Variants in PCDH15 observed in about 807,000 individuals in gnomAD.
PCDH15 encodes protocadherin-15.
A neutral mutation model predicts 178.5 loss-of-function variants in PCDH15; 129 were observed. The observed-to-expected ratio is 0.72, with a 90% CI of 0.63 to 0.84. The LOEUF (loss-of-function observed/expected upper bound fraction) is 0.84, where lower values mean the gene tolerates loss of function less well. PCDH15 is among the 40% of genes least tolerant of loss of function. The pLI, the probability that PCDH15 is intolerant of heterozygous loss-of-function variation, is 0.00. For missense variants in PCDH15, 2,230 were observed against 2,099.9 expected (o/e 1.06, Z -1.21); for synonymous variants, 800 against 732.0 (o/e 1.09, Z -1.50).
chr10:54,792,776 G>A (rs997405119), intron 1 of PCDH15, among the ~76,000 whole-genome samples: 1 of 151,754 alleles, frequency 6.6e-6, no homozygotes, highest in Non-Finnish European at 1.5e-5. Context: ...AGACAAATAG[G>A]TAACCTATTT....
rs767468111 is a variant in PCDH15, at chr10:55,371,169, T to C, written c.-155-204518A>G. On this transcript the variant is annotated intron_variant, in intron 2 of 5. Coordinates refer to the PCDH15 transcript ENST00000613346. ...AGATAGGATAGAGATACGGAGAGTA[T>C]AGATTAAAAGGATGAGAAATTAAAC... Among the ~76,000 whole-genome samples, 10 of 152,108 alleles carry C rather than the reference T, an allele frequency of 6.6e-5. No individual in the cohort carries two copies. The South Asian group carries it at 1.9e-3, about 28-fold the overall frequency.
chr10:55,333,812 C>T (rs1844279331), intron 2 of PCDH15, among the ~76,000 whole-genome samples: 1 of 151,562 alleles, frequency 6.6e-6, no homozygotes, highest in African/African-American at 2.4e-5. Context: ...GAAAAAAAAG[C>T]TAAAGAAAAC....
intron 1 of PCDH15, among the ~76,000 whole-genome samples, chr10:54,746,692 A>G (rs1335769947): frequency 6.6e-6 from 1 of 152,204 alleles, no homozygotes; most frequent in Non-Finnish European, 1.5e-5. Flanking sequence ...CAGTATATAT[A>G]TTTTTATCCT....
chr10:55,079,371 G>A (rs372845743), intron 2 of PCDH15, among the ~76,000 whole-genome samples: 1 of 152,278 alleles, frequency 6.6e-6, no homozygotes, highest in African/African-American at 2.4e-5. Flanking sequence ...AACATCACCT[G>A]TAACTGTGAT....
chr10:55,099,816 T>A (rs1339313090), intron 2 of PCDH15, among the ~76,000 whole-genome samples: 1 of 152,118 alleles, frequency 6.6e-6, no homozygotes, highest in Non-Finnish European at 1.5e-5. Flanking sequence ...ATTTTTAACT[T>A]TCTTATTATC....
At chr10:54,544,337 A>C (rs2085600454) in intron 2 of PCDH15, among the ~76,000 whole-genome samples, 1 of 152,174 alleles carries the variant, frequency 6.6e-6, no homozygotes, top group Non-Finnish European at 1.5e-5. Flanking sequence ...TTTCTTAAGA[A>C]TTCTCTAAAA....
chr10:55,017,300 C>T (rs1348037567), intron 2 of PCDH15, among the ~76,000 whole-genome samples: 2 of 152,074 alleles, frequency 1.3e-5, no homozygotes, highest in Non-Finnish European at 2.9e-5. Flanking sequence ...TCTCCCATAA[C>T]TCTATTTCCC....
intron 9 of PCDH15, among the ~76,000 whole-genome samples, chr10:54,225,897 G>A (rs1280979033): frequency 6.6e-6 from 1 of 152,172 alleles, no homozygotes; most frequent in Admixed American, 6.5e-5. Flanking sequence ...TTAGGGACAA[G>A]CAAGGAATCT....
chr10:54,432,433 T>G (rs1392805923), intron 3 of PCDH15, among the ~76,000 whole-genome samples: 1 of 151,974 alleles, frequency 6.6e-6, no homozygotes, highest in Admixed American at 6.6e-5. Context: ...CACACATCTA[T>G]AGTGAAGTTA....
chr10:54,863,483 A>C (rs1343879765), intron 3 of PCDH15, among the ~76,000 whole-genome samples: 3 of 152,204 alleles, frequency 2.0e-5, no homozygotes, highest in Non-Finnish European at 4.4e-5. Flanking sequence ...CGGAGCTTGC[A>C]GCGAGCCGAG....
intron 3 of PCDH15, among the ~76,000 whole-genome samples, chr10:54,465,558 C>T (rs2077462484): frequency 6.6e-6 from 1 of 152,058 alleles, no homozygotes; most frequent in Non-Finnish European, 1.5e-5. Flanking sequence ...CATGTTGCTG[C>T]AACTAGTGTT....
At chr10:54,791,393 T>A (rs1951394692) in intron 1 of PCDH15, among the ~76,000 whole-genome samples, 1 of 151,920 alleles carries the variant, frequency 6.6e-6, no homozygotes, top group Non-Finnish European at 1.5e-5. Context: ...AGTTTGAAGT[T>A]GAATTCAAAC....
chr10:55,046,805 T>G (rs1045936799), intron 2 of PCDH15, among the ~76,000 whole-genome samples: 3 of 151,972 alleles, frequency 2.0e-5, no homozygotes, highest in African/African-American at 7.2e-5. Context: ...TTTCACACAG[T>G]TTTATCACAT....
At chr10:54,708,354 AAG>A (rs1465525361) in intron 1 of PCDH15, among the ~76,000 whole-genome samples, 1 of 152,202 alleles carries the variant, frequency 6.6e-6, no homozygotes, top group Non-Finnish European at 1.5e-5. Context: ...TATTTGCATC[AAG>A]TAAAATAGAC....
At chr10:54,656,614 C>A (rs2135317602) in intron 2 of PCDH15, among the ~76,000 whole-genome samples, 1 of 152,254 alleles carries the variant, frequency 6.6e-6, no homozygotes, top group South Asian at 2.1e-4. Context: ...CACCACATCA[C>A]AAGATCCCCT....
intron 1 of PCDH15, among the ~76,000 whole-genome samples, chr10:55,173,645 TAG>T (rs560801578): frequency 1.3e-3 from 194 of 152,260 alleles, no homozygotes; most frequent in African/African-American, 3.8e-3. Flanking sequence ...AAAAAGTTAT[TAG>T]AGATATTTAT....
rs560011669 is a variant in PCDH15 at position 55,139,669 on chromosome 10, T to A, written c.-80+26907A>T. Reference sequence around the variant, plus strand: ...ATCTGCAGATCTATTTTTGTGCCAATCCCACATAGTCCTGATTGCTATACA... The same window carrying A: ...ATCTGCAGATCTATTTTTGTGCCAAACCCACATAGTCCTGATTGCTATACA... On this transcript the variant is annotated intron_variant, in intron 2 of 5. Coordinates refer to the PCDH15 transcript ENST00000458638. Among the ~76,000 whole-genome samples the A allele has an allele frequency of 2.4e-3, 366 of 152,158 alleles. 4 individuals are homozygous for A. Among genetic ancestry groups the A allele is most frequent in the Non-Finnish European group, 3.4e-3 (234 of 67,886 alleles).
intron 2 of PCDH15, among the ~76,000 whole-genome samples, chr10:54,582,671 G>C (rs1183211864): frequency 1.3e-5 from 2 of 152,046 alleles, no homozygotes. Context: ...ACAACACTTT[G>C]GGAGGCTAAG....
intron 2 of PCDH15, among the ~76,000 whole-genome samples, chr10:55,078,292 G>A (rs1841959169): frequency 6.6e-6 from 1 of 152,202 alleles, no homozygotes; most frequent in South Asian, 2.1e-4. Context: ...ATTGTGCTGT[G>A]GAGAAGATAT....
Sources: allele counts gnomAD v4.1 joint callset (sites outside exome capture counted in the v4.1 genomes callset), GRCh38; gene constraint gnomAD v4.1.1; transcripts MANE v1.5; gene names NCBI Gene and HGNC (gene_info 2026-07-23, HGNC 2026-07-21).